Variants in LMNTD1 observed in about 807,000 individuals in gnomAD.
LMNTD1 encodes the protein lamin tail domain containing 1.
LMNTD1 carries 35 observed loss-of-function variants against 50.9 expected under a neutral mutation model. The ratio of observed to expected loss-of-function variants is 0.69; its 90% confidence interval spans 0.53 to 0.91. The LOEUF (loss-of-function observed/expected upper bound fraction) is 0.91, where lower values mean the gene tolerates loss of function less well. LMNTD1 is among the 40% of genes least tolerant of loss of function. The pLI, the probability that LMNTD1 is intolerant of heterozygous loss-of-function variation, is 0.00. For missense variants in LMNTD1, 470 were observed against 475.5 expected (o/e 0.99, Z 0.11); for synonymous variants, 153 against 161.9 (o/e 0.94, Z 0.42).
intron 1 of LMNTD1, among the ~76,000 whole-genome samples, chr12:25,619,262 ATATATATATATATATATG>A (rs1285096898): frequency 0.035 from 2,379 of 68,594 alleles, 56 homozygotes; most frequent in African/African-American, 0.13. Flanking sequence ...CTATATATAT[ATATATATATATATATATG>A]TATAGCTAAC....
chr12:25,628,217 T>C (rs1372759787), intron 1 of LMNTD1, among the ~76,000 whole-genome samples: 1 of 151,974 alleles, frequency 6.6e-6, no homozygotes, highest in East Asian at 1.9e-4. Flanking sequence ...CTTCAGGTAG[T>C]TAGTTTTGAT....
intron 9 of LMNTD1, among the ~76,000 whole-genome samples, chr12:25,501,680 G>A (rs1243313447): frequency 6.6e-6 from 1 of 152,056 alleles, no homozygotes; most frequent in Non-Finnish European, 1.5e-5. Flanking sequence ...TACCTCAAAG[G>A]CTCAAGTGAC....
intron 1 of LMNTD1, among the ~76,000 whole-genome samples, chr12:25,606,910 T>C (rs1179119983): frequency 2.0e-5 from 3 of 152,154 alleles, no homozygotes; most frequent in Non-Finnish European, 4.4e-5. Context: ...AGGAACGGTA[T>C]CAGCTCCTCT....
At chr12:25,543,657 G>GC (rs950801077) in intron 4 of LMNTD1, among the ~76,000 whole-genome samples, 3 of 148,852 alleles carry the variant, frequency 2.0e-5, no homozygotes, top group African/African-American at 7.4e-5. Flanking sequence ...TGCTTTCCTA[G>GC]TTCTCCTTGA....
chr12:25,497,925 A>G (rs187549920), intron 9 of LMNTD1: 1 of 152,268 alleles, frequency 6.6e-6, no homozygotes, highest in East Asian at 1.9e-4. Context: ...CCACTGATAA[A>G]ATTTTTGGGT....
chr12:25,639,672 A>T (rs1203335737), intron 1 of LMNTD1, among the ~76,000 whole-genome samples: 1 of 152,194 alleles, frequency 6.6e-6, no homozygotes, highest in East Asian at 1.9e-4. Context: ...TTAGTATGTG[A>T]ACAAATGGGA....
chr12:25,644,313 C>CAATAA (rs1947016300), intron 1 of LMNTD1, among the ~76,000 whole-genome samples: 1 of 82,098 alleles, frequency 1.2e-5, no homozygotes, highest in Non-Finnish European at 2.2e-5. Context: ...CCTTTCTCTA[C>CAATAA]AAAAAAAAAA....
chr12:25,601,275 G>A (rs1592092001), intron 1 of LMNTD1, among the ~76,000 whole-genome samples: 3 of 152,012 alleles, frequency 2.0e-5, no homozygotes, highest in African/African-American at 7.2e-5. Flanking sequence ...AAGTTAGAGA[G>A]TAGAAGGACA....
intron 1 of LMNTD1, among the ~76,000 whole-genome samples, chr12:25,617,558 G>T (rs1946375225): frequency 6.6e-6 from 1 of 152,162 alleles, no homozygotes; most frequent in Non-Finnish European, 1.5e-5. Context: ...GCTTGCAGAA[G>T]AGCCCATCTG....
chr12:25,497,187 G>C (rs1279620306), intron 9 of LMNTD1, among the ~76,000 whole-genome samples: 6 of 152,108 alleles, frequency 3.9e-5, no homozygotes, highest in Admixed American at 2.6e-4. Flanking sequence ...GAGTCAGCCA[G>C]GTGGGAGGGG....
intron 2 of LMNTD1, among the ~76,000 whole-genome samples, chr12:25,551,349 G>T (rs1943734206): frequency 6.6e-6 from 1 of 152,068 alleles, no homozygotes; most frequent in African/African-American, 2.4e-5. Flanking sequence ...TGGAGCTATA[G>T]GGTGTTCTTA....
At chr12:25,640,830 C>CT (rs1379979909) in intron 1 of LMNTD1, among the ~76,000 whole-genome samples, 2 of 151,078 alleles carry the variant, frequency 1.3e-5, no homozygotes, top group Admixed American at 6.6e-5. Flanking sequence ...GCCTGGCTAA[C>CT]TTTTTTTTTG....
intron 1 of LMNTD1, among the ~76,000 whole-genome samples, chr12:25,610,286 G>C (rs1946212166): frequency 6.6e-6 from 1 of 152,134 alleles, no homozygotes; most frequent in African/African-American, 2.4e-5. Context: ...CAGGCCCCTT[G>C]TGCTTCCTGG....
At chr12:25,628,046 T>G (rs937787507) in intron 1 of LMNTD1, among the ~76,000 whole-genome samples, 1 of 131,320 alleles carries the variant, frequency 7.6e-6, no homozygotes, top group Non-Finnish European at 1.5e-5. Context: ...AGGCGGAGCT[T>G]GCAGTGAGTC....
chr12:25,640,974 T>A (rs1304914201), intron 1 of LMNTD1, among the ~76,000 whole-genome samples: 1 of 152,216 alleles, frequency 6.6e-6, no homozygotes, highest in Non-Finnish European at 1.5e-5. Context: ...GCCAGAAAAG[T>A]GTTTTTAATT....
At chr12:25,561,728 G>A (rs1476111434) in intron 1 of LMNTD1, among the ~76,000 whole-genome samples, 1 of 152,162 alleles carries the variant, frequency 6.6e-6, no homozygotes, top group African/African-American at 2.4e-5. Context: ...TCTGTCTAAT[G>A]TTGGCAGTGG....
chr12:25,546,819 T>C (rs1466164384), intron 3 of LMNTD1, among the ~76,000 whole-genome samples: 1 of 151,690 alleles, frequency 6.6e-6, no homozygotes, highest in Non-Finnish European at 1.5e-5. Context: ...ATTAGAATAA[T>C]GACTATTTAA....
rs1938256003 is a variant in LMNTD1 at position 25,476,099 on chromosome 12, ATCAG to A, written c.*380_*383del. ...GCACAGTTATGGAAAAAAGAGATTT[ATCAG>A]TCAATGTAAAATGGTTAAACAATTG... is the stretch of plus-strand genomic sequence containing the variant. On this transcript the variant is annotated 3_prime_UTR_variant, in exon 10 of 10. Coordinates refer to ENST00000458174, the MANE Select transcript of LMNTD1 (RefSeq NM_001145728.2). 6.6e-6 allele frequency: 1 copy of A among 152,260 alleles called. No homozygotes were observed. Among genetic ancestry groups the A allele is most frequent in the Non-Finnish European group, 1.5e-5 (1 of 68,044 alleles). 9.4% of individuals were successfully genotyped at this position (152,260 alleles called of 1,614,324 possible).
At chr12:25,511,799 A>G (rs1187193840) in intron 8 of LMNTD1, among the ~76,000 whole-genome samples, 3 of 152,092 alleles carry the variant, frequency 2.0e-5, no homozygotes, top group African/African-American at 7.2e-5. Flanking sequence ...CTAACACCTC[A>G]ATTTCTACTT....
Sources: allele counts gnomAD v4.1 joint callset (sites outside exome capture counted in the v4.1 genomes callset), GRCh38; gene constraint gnomAD v4.1.1; transcripts MANE v1.5; gene names NCBI Gene and HGNC (gene_info 2026-07-23, HGNC 2026-07-21).